PDIA5: variants seen among roughly 807,000 people sequenced by gnomAD.
The protein encoded by PDIA5 is protein disulfide isomerase family A member 5.
In PDIA5, 58 loss-of-function variants were observed where a neutral mutation model predicts 77.6. That is an observed-to-expected ratio of 0.75 (90% CI 0.61 to 0.93). The LOEUF (loss-of-function observed/expected upper bound fraction) is 0.93, where lower values mean the gene tolerates loss of function less well. Among genes scored for constraint, PDIA5 ranks in the 40% least tolerant of loss-of-function variants. The pLI is 0.00. For missense variants in PDIA5, 630 were observed against 647.7 expected (o/e 0.97, Z 0.30); for synonymous variants, 250 against 252.1 (o/e 0.99, Z 0.08).
intron 8 of PDIA5, among the ~76,000 whole-genome samples, chr3:123,120,180 C>T (rs1328269475): frequency 1.3e-5 from 2 of 152,208 alleles, no homozygotes; most frequent in Non-Finnish European, 2.9e-5. Context: ...TGGTGGACCT[C>T]GGCCATGATG....
chr3:123,157,664 A>G (rs1312551778), intron 15 of PDIA5, among the ~76,000 whole-genome samples: 1 of 152,252 alleles, frequency 6.6e-6, no homozygotes, highest in East Asian at 1.9e-4. Flanking sequence ...AGTCAATATT[A>G]GCTCCTGCAG....
chr3:123,087,470 A>AT lies in PDIA5; in HGVS notation c.43-1687dup, dbSNP rs145616985. Among the ~76,000 whole-genome samples, 670 of 124,192 alleles carry AT rather than the reference A, an allele frequency of 5.4e-3. 4 individuals carry two copies. Among genetic ancestry groups the AT allele is most frequent in the African/African-American group, 0.017 (573 of 33,164 alleles). 81.5% of individuals were successfully genotyped at this position (124,192 alleles called of 152,430 possible). A position where few individuals can be genotyped will look rare whatever the true frequency, so the allele number is the denominator to read the frequency against. On this transcript the variant is annotated intron_variant, in intron 1 of 16. Coordinates refer to ENST00000316218, the MANE Select transcript of PDIA5 (RefSeq NM_006810.4). Reference sequence around the variant, plus strand: ...ATCTTTTTGTTGTATTTTCTAGGAGATTTTTTTTTTTCAATTCTACTTCCA... The same window carrying AT: ...ATCTTTTTGTTGTATTTTCTAGGAGATTTTTTTTTTTTCAATTCTACTTCCA...
chr3:123,080,192 C>T (rs573527282), intron 1 of PDIA5, among the ~76,000 whole-genome samples: 3 of 151,982 alleles, frequency 2.0e-5, no homozygotes, highest in Non-Finnish European at 4.4e-5. Context: ...AGGAGCCCTC[C>T]AAGATGATAT....
At chr3:123,110,147 C>T (rs1161960229) in intron 6 of PDIA5, among the ~76,000 whole-genome samples, 2 of 152,222 alleles carry the variant, frequency 1.3e-5, no homozygotes, top group Non-Finnish European at 1.5e-5. Flanking sequence ...CATTGGCTCT[C>T]ATTGGAAGAA....
rs79040874 is a variant in PDIA5 at position 123,079,617 on chromosome 3, T to C, written c.43-9551T>C. ...GGTTGTTTATAGGTTTTAACTCTTA[T>C]GGTTAGAATGGTTGTGAGTCATACG... On this transcript the variant is annotated intron_variant, in intron 1 of 16. Coordinates refer to ENST00000316218, the MANE Select transcript of PDIA5 (RefSeq NM_006810.4). Among the ~76,000 whole-genome samples, 617 of 152,342 alleles carry C rather than the reference T, an allele frequency of 4.1e-3. 6 individuals carry two copies. Among genetic ancestry groups the C allele is most frequent in the African/African-American group, 0.013 (541 of 41,566 alleles).
At chr3:123,086,697 A>G (rs1934148510) in intron 1 of PDIA5, among the ~76,000 whole-genome samples, 1 of 152,132 alleles carries the variant, frequency 6.6e-6, no homozygotes, top group South Asian at 2.1e-4. Context: ...TCTCTTCACC[A>G]TCAATGTGGT....
intron 7 of PDIA5, among the ~76,000 whole-genome samples, chr3:123,115,963 A>G (rs836838): frequency 0.18 from 27,940 of 152,110 alleles, 2,623 homozygotes; most frequent in Middle Eastern, 0.23. Flanking sequence ...CTCTTCTCCC[A>G]TCATGTCATG....
chr3:123,106,902 C>T, intron 6 of PDIA5, 61 bp downstream of exon 6: 2 of 1,136,848 alleles, frequency 1.8e-6, no homozygotes. Context: ...CAGGGCCTCC[C>T]AAGGAAAGGA....
chr3:123,123,288 A>C (rs1177401266), intron 8 of PDIA5, among the ~76,000 whole-genome samples: 1 of 152,178 alleles, frequency 6.6e-6, no homozygotes, highest in Non-Finnish European at 1.5e-5. Flanking sequence ...CTTAGTATTT[A>C]GCTACATCGT....
intron 3 of PDIA5, among the ~76,000 whole-genome samples, chr3:123,101,355 A>T (rs1020035270): frequency 1.3e-5 from 2 of 152,190 alleles, no homozygotes; most frequent in Admixed American, 6.5e-5. Context: ...TGATTCAGGG[A>T]CCACACATTG....
intron 6 of PDIA5, among the ~76,000 whole-genome samples, chr3:123,109,902 T>C (rs2589596): frequency 0.7 from 106,309 of 152,154 alleles, 37,774 homozygotes; most frequent in Middle Eastern, 0.82. Flanking sequence ...CTTTATCGGT[T>C]TTAATGATGC....
chr3:123,082,293 A>G (rs564908976), intron 1 of PDIA5, among the ~76,000 whole-genome samples: 1 of 152,158 alleles, frequency 6.6e-6, no homozygotes, highest in East Asian at 1.9e-4. Context: ...TGAGAGAAGC[A>G]GGCCTCCTGT....
At chr3:123,125,603 A>T (rs369707301) in intron 10 of PDIA5, among the ~76,000 whole-genome samples, 2 of 152,154 alleles carry the variant, frequency 1.3e-5, no homozygotes, top group Non-Finnish European at 1.5e-5. Context: ...GTTATCCAAG[A>T]TATGGAGGTT....
At chr3:123,093,116 TGG>T (rs1359183025) in intron 3 of PDIA5, among the ~76,000 whole-genome samples, 36 of 152,250 alleles carry the variant, frequency 2.4e-4, no homozygotes, top group African/African-American at 8.4e-4. Context: ...AGTGAATTTT[TGG>T]GACATAACTG....
intron 13 of PDIA5, among the ~76,000 whole-genome samples, chr3:123,147,838 C>T (rs553434316): frequency 3.8e-4 from 58 of 152,180 alleles, no homozygotes; most frequent in Non-Finnish European, 2.5e-4. Flanking sequence ...GGCTGGTTCA[C>T]TGGAAAGGAC....
At chr3:123,089,318 A>G in intron 2 of PDIA5, 24 bp downstream of exon 2, 1 of 1,611,904 alleles carries the variant, frequency 6.2e-7, no homozygotes, top group Non-Finnish European at 8.5e-7. Flanking sequence ...CCTGGCCTTG[A>G]GGTCAACCAT....
chr3:123,122,214 C>T (rs1023211818), intron 8 of PDIA5, among the ~76,000 whole-genome samples: 1 of 151,908 alleles, frequency 6.6e-6, no homozygotes, highest in African/African-American at 2.4e-5. Context: ...ATGTAATGAG[C>T]GAGGAGGACG....
At chr3:123,155,516 T>C (rs761409943) in intron 15 of PDIA5, among the ~76,000 whole-genome samples, 1 of 152,084 alleles carries the variant, frequency 6.6e-6, no homozygotes, top group Non-Finnish European at 1.5e-5. Context: ...GAGCTGCAGA[T>C]TGGATTAGAG....
At chr3:123,161,649 A>C (rs1404945655) in intron 16 of PDIA5, 194 bp downstream of exon 16, 1 of 667,588 alleles carries the variant, frequency 1.5e-6, no homozygotes, top group African/African-American at 1.8e-5. Context: ...GGGTTGCCAC[A>C]GATGTCCTGT....
Sources: allele counts gnomAD v4.1 joint callset (sites outside exome capture counted in the v4.1 genomes callset), GRCh38; gene constraint gnomAD v4.1.1; transcripts MANE v1.5; gene names NCBI Gene and HGNC (gene_info 2026-07-23, HGNC 2026-07-21).